The following CNTNAP2 variants were observed in gnomAD, a reference collection of about 807,000 sequenced individuals.
The protein encoded by CNTNAP2 is contactin-associated protein-like 2.
A neutral mutation model predicts 155.2 loss-of-function variants in CNTNAP2; 98 were observed. That is an observed-to-expected ratio of 0.63 (90% confidence interval 0.54 to 0.75). The LOEUF (loss-of-function observed/expected upper bound fraction) is 0.75, where lower values mean the gene tolerates loss of function less well. Ranked by LOEUF, CNTNAP2 falls within the 30% of genes least tolerant of loss-of-function variation. The probability of loss-of-function intolerance (pLI) is 0.00; values close to 1 mark genes in which losing one functional copy is unlikely to be tolerated. For synonymous variants in CNTNAP2, 651 were observed against 631.2 expected (o/e 1.03, Z -0.47); for missense variants, 1,727 against 1,688.1 (o/e 1.02, Z -0.40).
At chr7:147,906,537 C>T (rs1799961801) in intron 14 of CNTNAP2, among the ~76,000 whole-genome samples, 1 of 151,326 alleles carries the variant, frequency 6.6e-6, no homozygotes, top group Admixed American at 6.6e-5. Flanking sequence ...GTTGCCTGGG[C>T]TGGAGTGCAG....
At chr7:146,385,625 A>G (rs1398367233) in intron 1 of CNTNAP2, among the ~76,000 whole-genome samples, 1 of 152,200 alleles carries the variant, frequency 6.6e-6, no homozygotes, top group East Asian at 1.9e-4. Context: ...CCTAAATTCC[A>G]TTTATAATTA....
intron 8 of CNTNAP2, among the ~76,000 whole-genome samples, chr7:147,237,831 G>A (rs963520512): frequency 6.6e-6 from 1 of 152,186 alleles, no homozygotes; most frequent in African/African-American, 2.4e-5. Context: ...CATGGGTTAT[G>A]ATTATCCCTG....
At chr7:147,471,360 T>C (rs1013361746) in intron 10 of CNTNAP2, among the ~76,000 whole-genome samples, 5 of 152,234 alleles carry the variant, frequency 3.3e-5, no homozygotes, top group Non-Finnish European at 7.3e-5. Context: ...AGGCCTAGTA[T>C]TTCCAGAAAG....
At chr7:147,837,778 C>T (rs1468528752) in intron 13 of CNTNAP2, among the ~76,000 whole-genome samples, 4 of 152,218 alleles carry the variant, frequency 2.6e-5, no homozygotes, top group Non-Finnish European at 5.9e-5. Flanking sequence ...AATCTTAAAG[C>T]TCCAAAAGAT....
At chr7:147,072,564 A>T (rs1029587946) in intron 4 of CNTNAP2, among the ~76,000 whole-genome samples, 1 of 152,096 alleles carries the variant, frequency 6.6e-6, no homozygotes, top group African/African-American at 2.4e-5. Context: ...CTAGACTAGG[A>T]TGGTGGTAGC....
intron 1 of CNTNAP2, among the ~76,000 whole-genome samples, chr7:146,740,055 T>C (rs560944189): frequency 3.3e-5 from 5 of 152,192 alleles, no homozygotes; most frequent in South Asian, 2.1e-4. Context: ...GAGTTTCCCA[T>C]AGACATACCA....
At chr7:146,836,448 T>G (rs892167367) in intron 2 of CNTNAP2, among the ~76,000 whole-genome samples, 2 of 152,166 alleles carry the variant, frequency 1.3e-5, no homozygotes, top group Non-Finnish European at 2.9e-5. Context: ...GTATTTAACC[T>G]TTTACAGAAA....
intron 12 of CNTNAP2, among the ~76,000 whole-genome samples, chr7:147,566,586 C>T (rs551118479): frequency 7.9e-5 from 12 of 152,156 alleles, no homozygotes; most frequent in South Asian, 2.1e-4. Flanking sequence ...CTTCACAAGG[C>T]GGCAGGAGAG....
chr7:148,088,641 A>G (rs1048988627), intron 15 of CNTNAP2, among the ~76,000 whole-genome samples: 1 of 151,970 alleles, frequency 6.6e-6, no homozygotes, highest in Non-Finnish European at 1.5e-5. Flanking sequence ...TAAACAAACC[A>G]TTAATGAGTG....
intron 8 of CNTNAP2, among the ~76,000 whole-genome samples, chr7:147,278,542 G>A (rs1232980401): frequency 2.0e-5 from 3 of 151,616 alleles, no homozygotes; most frequent in Non-Finnish European, 3.0e-5. Flanking sequence ...AAAGAAAAAA[G>A]TCTAATTTCT....
intron 10 of CNTNAP2, among the ~76,000 whole-genome samples, chr7:147,482,889 T>C (rs749520270): frequency 1.3e-5 from 2 of 151,154 alleles, no homozygotes; most frequent in Non-Finnish European, 2.9e-5. Context: ...CTAATAAAAA[T>C]ACACAAATTA....
chr7:148,057,064 C>A (rs903237469), intron 15 of CNTNAP2, among the ~76,000 whole-genome samples: 1 of 152,146 alleles, frequency 6.6e-6, no homozygotes. Flanking sequence ...TCATCTGTGC[C>A]CACCCTCTTA....
At chr7:146,239,219 C>G (rs531094368) in intron 1 of CNTNAP2, among the ~76,000 whole-genome samples, 1 of 150,604 alleles carries the variant, frequency 6.6e-6, no homozygotes, top group African/African-American at 2.5e-5. Context: ...GTGGCATTTT[C>G]CCCCCTGATG....
At chr7:147,916,503 C>G (rs546818329) in intron 14 of CNTNAP2, among the ~76,000 whole-genome samples, 1 of 150,776 alleles carries the variant, frequency 6.6e-6, no homozygotes, top group African/African-American at 2.4e-5. Context: ...TATAGCCTAC[C>G]AACAAAATGT....
At chr7:148,314,828 G>A (rs956176412) in intron 21 of CNTNAP2, among the ~76,000 whole-genome samples, 1 of 152,206 alleles carries the variant, frequency 6.6e-6, no homozygotes, top group Non-Finnish European at 1.5e-5. Flanking sequence ...AATCAGGCAG[G>A]CGTCCCCATG....
intron 18 of CNTNAP2, among the ~76,000 whole-genome samples, chr7:148,179,236 A>G (rs543253503): frequency 6.6e-6 from 1 of 152,268 alleles, no homozygotes; most frequent in South Asian, 2.1e-4. Context: ...TTAGCCAGGC[A>G]CACTGGCTCA....
chr7:148,261,306 G>A (rs369456839), intron 20 of CNTNAP2, among the ~76,000 whole-genome samples: 30 of 152,194 alleles, frequency 2.0e-4, no homozygotes, highest in African/African-American at 6.5e-4. Flanking sequence ...GACCACAGGC[G>A]TGCACCACCA....
intron 3 of CNTNAP2, among the ~76,000 whole-genome samples, chr7:146,938,170 A>G (rs1479426518): frequency 6.6e-6 from 1 of 152,094 alleles, no homozygotes; most frequent in Non-Finnish European, 1.5e-5. Flanking sequence ...CAGAGCAAGA[A>G]CAATGAAGAA....
intron 15 of CNTNAP2, among the ~76,000 whole-genome samples, chr7:148,095,274 C>A (rs943788232): frequency 1.3e-5 from 2 of 152,164 alleles, no homozygotes; most frequent in African/African-American, 4.8e-5. Context: ...ATCTGTGGGG[C>A]TTGCCAAGCT....
Sources: gnomAD v4.1 joint callset for allele counts (sites outside exome capture counted in the v4.1 genomes callset) on GRCh38, gnomAD v4.1.1 for gene constraint, MANE v1.5 for transcripts, NCBI Gene and HGNC (gene_info 2026-07-23, HGNC 2026-07-21) for gene names.